KLHL8: variants seen among roughly 807,000 people sequenced by gnomAD.
KLHL8 encodes kelch like family member 8.
A neutral mutation model predicts 63.5 loss-of-function variants in KLHL8; 38 were observed. That is an observed-to-expected ratio of 0.60 (90% confidence interval 0.46 to 0.78). The LOEUF is 0.78. KLHL8 is among the 30% of genes least tolerant of loss of function. The pLI, the probability that KLHL8 is intolerant of heterozygous loss-of-function variation, is 0.00. For missense variants in KLHL8, 566 were observed against 752.4 expected (o/e 0.75, Z 2.90); for synonymous variants, 224 against 254.3 (o/e 0.88, Z 1.13).
chr4:87,173,665 A>G (rs1730715475), intron 6 of KLHL8, among the ~76,000 whole-genome samples: 1 of 152,256 alleles, frequency 6.6e-6, no homozygotes, highest in South Asian at 2.1e-4. Flanking sequence ...CAGATTGTAA[A>G]TGCTCGGGGC....
At chr4:87,202,685 G>A (rs1731967964) in intron 1 of KLHL8, among the ~76,000 whole-genome samples, 1 of 152,120 alleles carries the variant, frequency 6.6e-6, no homozygotes, top group Admixed American at 6.6e-5. Flanking sequence ...ATCACGGTTT[G>A]AAAAGCAATC....
At chr4:87,199,312 C>A (rs1178673680) in intron 1 of KLHL8, among the ~76,000 whole-genome samples, 1 of 152,106 alleles carries the variant, frequency 6.6e-6, no homozygotes, top group Non-Finnish European at 1.5e-5. Flanking sequence ...CCTCACCTTA[C>A]ACCATATACA....
intron 8 of KLHL8, among the ~76,000 whole-genome samples, chr4:87,165,586 A>T (rs528307476): frequency 6.6e-6 from 1 of 151,306 alleles, no homozygotes; most frequent in East Asian, 1.9e-4. Context: ...AATAGAGATG[A>T]GGTCTCAACT....
intron 1 of KLHL8, among the ~76,000 whole-genome samples, chr4:87,198,475 C>T: frequency 6.6e-6 from 1 of 152,130 alleles, no homozygotes; most frequent in East Asian, 1.9e-4. Flanking sequence ...AAGGCAGAGA[C>T]TCAGGAATGC....
At chr4:87,233,884 T>C (rs1733180155) in intron 1 of KLHL8, among the ~76,000 whole-genome samples, 1 of 152,206 alleles carries the variant, frequency 6.6e-6, no homozygotes, top group South Asian at 2.1e-4. Context: ...AAAATACTAA[T>C]TTCAGGCTAA....
At chr4:87,225,717 G>C (rs529710242) in intron 1 of KLHL8, among the ~76,000 whole-genome samples, 2 of 152,156 alleles carry the variant, frequency 1.3e-5, no homozygotes, top group Non-Finnish European at 2.9e-5. Context: ...AGGTAGTTTG[G>C]GGGTGGGTCT....
At chr4:87,226,517 G>A (rs1456015978) in intron 1 of KLHL8, among the ~76,000 whole-genome samples, 10 of 143,270 alleles carry the variant, frequency 7.0e-5, no homozygotes, top group Non-Finnish European at 1.0e-4. Flanking sequence ...AGCTGAGATC[G>A]CGCCACTGCA....
chr4:87,198,403 G>A (rs1357165744), intron 1 of KLHL8, among the ~76,000 whole-genome samples: 1 of 152,140 alleles, frequency 6.6e-6, no homozygotes, highest in African/African-American at 2.4e-5. Context: ...TAAGATGGTT[G>A]ATTTAAACTC....
rs114803236 is a variant in KLHL8 at position 87,209,840 on chromosome 4, C to T, written c.-152+10578G>A. 4.6e-3 allele frequency among the ~76,000 whole-genome samples: 644 copies of T among 140,178 alleles called. 5 individuals are homozygous for T. The highest frequency in any genetic ancestry group is 0.015 in the African/African-American group (610 of 39,422). 92.0% of individuals were successfully genotyped at this position (140,178 alleles called of 152,430 possible). ...GAACTCCAAATGGCACTTGGTGTTC[C>T]GTTTTGGGTTTTTTTTTTTTTTTTT... On this transcript the variant is annotated intron_variant, in intron 1 of 9. Transcript: ENST00000273963.
At chr4:87,193,611 C>T (rs573361285) in intron 2 of KLHL8, among the ~76,000 whole-genome samples, 1 of 152,158 alleles carries the variant, frequency 6.6e-6, no homozygotes, top group South Asian at 2.1e-4. Context: ...AATACATAAG[C>T]CTGTAACATA....
intron 2 of KLHL8, among the ~76,000 whole-genome samples, chr4:87,188,553 C>A (rs1361156315): frequency 6.6e-6 from 1 of 152,118 alleles, no homozygotes; most frequent in South Asian, 2.1e-4. Context: ...CCCCTATGTA[C>A]CCTTTTAGAA....
intron 4 of KLHL8, among the ~76,000 whole-genome samples, chr4:87,180,459 A>G (rs1365542954): frequency 6.6e-6 from 1 of 152,236 alleles, no homozygotes; most frequent in Non-Finnish European, 1.5e-5. Flanking sequence ...AAGATAAAAA[A>G]TAACTACTGT....
intron 2 of KLHL8, among the ~76,000 whole-genome samples, chr4:87,186,467 C>G (rs1192364527): frequency 6.6e-6 from 1 of 150,784 alleles, no homozygotes; most frequent in Non-Finnish European, 1.5e-5. Context: ...ACATGCCAAC[C>G]ACTATTGTAA....
At chr4:87,212,811 G>A (rs6531957) in intron 1 of KLHL8, among the ~76,000 whole-genome samples, 145,316 of 152,254 alleles carry the variant, frequency 0.95, 69,696 homozygotes, top group East Asian at 1. Context: ...ACTACATGCT[G>A]TATAGGTTTG....
intron 4 of KLHL8, 86 bp from the exon 5 acceptor site, chr4:87,178,706 A>T: frequency 7.4e-7 from 1 of 1,342,830 alleles, no homozygotes; most frequent in South Asian, 1.6e-5. Context: ...TAAAAGCAAA[A>T]AGACAAAAAA....
At chr4:87,192,603 C>G (rs896690614) in intron 2 of KLHL8, among the ~76,000 whole-genome samples, 1 of 152,172 alleles carries the variant, frequency 6.6e-6, no homozygotes, top group Non-Finnish European at 1.5e-5. Context: ...ATACTACACA[C>G]GTAGGCTGTA....
intron 4 of KLHL8, among the ~76,000 whole-genome samples, chr4:87,179,326 T>C (rs1730957155): frequency 1.3e-5 from 2 of 152,306 alleles, no homozygotes; most frequent in South Asian, 4.1e-4. Context: ...ACTTAACTAC[T>C]GCAAAATCCT....
At chr4:87,210,321 A>C (rs961152515) in intron 1 of KLHL8, among the ~76,000 whole-genome samples, 27 of 152,180 alleles carry the variant, frequency 1.8e-4, no homozygotes, top group Middle Eastern at 3.2e-3. Flanking sequence ...ACTAAAAAAA[A>C]CACAAAAAAC....
chr4:87,173,771 GATTAAA>G (rs1560693156), intron 6 of KLHL8, among the ~76,000 whole-genome samples: 1 of 152,056 alleles, frequency 6.6e-6, no homozygotes, highest in African/African-American at 2.4e-5. Flanking sequence ...GGGATATAAA[GATTAAA>G]AAAGTACTTT....
Sources: gnomAD v4.1 joint callset for allele counts (sites outside exome capture counted in the v4.1 genomes callset) on GRCh38, gnomAD v4.1.1 for gene constraint, MANE v1.5 for transcripts, NCBI Gene and HGNC (gene_info 2026-07-23, HGNC 2026-07-21) for gene names.